The following FRMD4A variants were observed in gnomAD, a reference collection of about 807,000 sequenced individuals.
FRMD4A encodes FERM domain-containing protein 4A.
Under a neutral mutation model 129.1 loss-of-function variants are expected in FRMD4A, and 29 were observed. The observed-to-expected ratio is 0.22, with a 90% CI of 0.17 to 0.31. The LOEUF is 0.31. FRMD4A is among the 10% of genes least tolerant of loss of function. FRMD4A has a pLI of 1.00. For synonymous variants in FRMD4A, 634 were observed against 571.6 expected, an observed-to-expected ratio of 1.11 and a Z score of -1.56; for missense variants, 1,272 against 1,375.8, an observed-to-expected ratio of 0.92 and a Z score of 1.19.
chr10:14,064,046 C>G (rs1050889140), intron 2 of FRMD4A, among the ~76,000 whole-genome samples: 1 of 152,094 alleles, frequency 6.6e-6, no homozygotes, highest in Admixed American at 6.6e-5. Context: ...TAAGTCAATA[C>G]CAAGGGTAAA....
At chr10:14,158,896 T>C (rs1239090731) in intron 2 of FRMD4A, among the ~76,000 whole-genome samples, 1 of 150,102 alleles carries the variant, frequency 6.7e-6, no homozygotes, top group Non-Finnish European at 1.5e-5. Context: ...TCCAGAAAAA[T>C]ACCCACCATG....
chr10:13,815,095 C>T (rs1322163375), intron 3 of FRMD4A, among the ~76,000 whole-genome samples: 1 of 152,172 alleles, frequency 6.6e-6, no homozygotes, highest in Non-Finnish European at 1.5e-5. Context: ...AACTCATTAT[C>T]ATCCAGAATA....
At chr10:13,747,712 T>G (rs771107232) in intron 9 of FRMD4A, 24 bp downstream of exon 9, 1 of 1,313,704 alleles carries the variant, frequency 7.6e-7, no homozygotes. Context: ...GACTCGCTCC[T>G]GGGGAAGACT....
At chr10:13,763,118 G>GCC (rs765128147) in intron 6 of FRMD4A, among the ~76,000 whole-genome samples, 6 of 152,100 alleles carry the variant, frequency 3.9e-5, no homozygotes, top group Non-Finnish European at 5.9e-5. Context: ...CGTTTTTACT[G>GCC]CTCTTAGCTG....
chr10:13,649,264 A>ATTGAGTTCAAAG (rs1459213956), intron 24 of FRMD4A: 1 of 151,382 alleles, frequency 6.6e-6, no homozygotes, highest in Non-Finnish European at 1.5e-5. Context: ...AAGAAAGACC[A>ATTGAGTTCAAAG]TTGAGTTCAA....
chr10:13,670,239 G>A (rs1001647931), intron 17 of FRMD4A, among the ~76,000 whole-genome samples, 167 bp downstream of exon 17: 3 of 152,120 alleles, frequency 2.0e-5, no homozygotes, highest in South Asian at 2.1e-4. Flanking sequence ...TACTCCTACC[G>A]AGGGGAACCA....
chr10:14,204,237 CTTG>C (rs199709871), intron 2 of FRMD4A, among the ~76,000 whole-genome samples: 17,361 of 151,810 alleles, frequency 0.11, 1,460 homozygotes, highest in African/African-American at 0.24. Flanking sequence ...CAGCCTGGGT[CTTG>C]AACATGGCAA....
At chr10:14,033,726 A>C (rs1157231058) in intron 2 of FRMD4A, among the ~76,000 whole-genome samples, 1 of 151,948 alleles carries the variant, frequency 6.6e-6, no homozygotes, top group Non-Finnish European at 1.5e-5. Context: ...TGGAGGTTGC[A>C]GTGAGCCGAG....
chr10:13,916,319 C>T (rs1283474520), intron 2 of FRMD4A, among the ~76,000 whole-genome samples: 1 of 152,196 alleles, frequency 6.6e-6, no homozygotes, highest in African/African-American at 2.4e-5. Flanking sequence ...GGCTGGTCCT[C>T]ACACTCCGAG....
At chr10:14,016,219 G>A (rs551953998) in intron 2 of FRMD4A, among the ~76,000 whole-genome samples, 9 of 152,308 alleles carry the variant, frequency 5.9e-5, no homozygotes, top group African/African-American at 2.2e-4. Flanking sequence ...GGAACTTCAC[G>A]TGCTAATTGG....
At chr10:14,202,137 C>T (rs1227056518) in intron 2 of FRMD4A, among the ~76,000 whole-genome samples, 3 of 33,946 alleles carry the variant, frequency 8.8e-5, no homozygotes, top group African/African-American at 1.8e-4. Flanking sequence ...GAATCCGTCT[C>T]AAGAAAAAAA....
At chr10:13,998,745 A>G (rs1249830904) in intron 2 of FRMD4A, among the ~76,000 whole-genome samples, 2 of 152,084 alleles carry the variant, frequency 1.3e-5, no homozygotes, top group Non-Finnish European at 2.9e-5. Flanking sequence ...GAGTCCATTC[A>G]CTTCTCACCA....
chr10:14,292,666 G>C (rs1845885173), intron 2 of FRMD4A, among the ~76,000 whole-genome samples: 2 of 152,104 alleles, frequency 1.3e-5, no homozygotes, highest in Non-Finnish European at 2.9e-5. Context: ...TGGGCGTGGT[G>C]GTGGGCACCT....
chr10:14,319,997 A>G (rs757087712), intron 2 of FRMD4A, among the ~76,000 whole-genome samples: 13 of 151,942 alleles, frequency 8.6e-5, no homozygotes, highest in Non-Finnish European at 1.5e-4. Context: ...CCTGTCATCC[A>G]TCTCCCATCC....
intron 2 of FRMD4A, among the ~76,000 whole-genome samples, chr10:14,026,185 C>T (rs182249349): frequency 4.1e-4 from 63 of 152,154 alleles, no homozygotes; most frequent in African/African-American, 1.5e-3. Flanking sequence ...TTCTGCTTTA[C>T]AGTAAAACTC....
chr10:13,914,702 T>C (rs1290447360), intron 2 of FRMD4A, among the ~76,000 whole-genome samples: 2 of 152,016 alleles, frequency 1.3e-5, no homozygotes, highest in Non-Finnish European at 2.9e-5. Context: ...AAAAGCAGCA[T>C]TAAAAAAACA....
At chr10:14,330,010 G>A in intron 2 of FRMD4A, 48 bp downstream of exon 2, 1 of 1,536,242 alleles carries the variant, frequency 6.5e-7, no homozygotes, top group Admixed American at 2.0e-5. Context: ...GTGCAGGGGA[G>A]GCTGGAGTGG....
intron 2 of FRMD4A, among the ~76,000 whole-genome samples, chr10:14,032,045 C>T (rs1833272316): frequency 6.6e-6 from 1 of 152,116 alleles, no homozygotes; most frequent in South Asian, 2.1e-4. Context: ...CAGACTCAAG[C>T]AATCCTCAGG....
At chr10:14,001,423 C>T (rs12219909) in intron 2 of FRMD4A, among the ~76,000 whole-genome samples, 2,952 of 152,258 alleles carry the variant, frequency 0.019, 90 homozygotes, top group East Asian at 0.13. Context: ...GATGCTGAAA[C>T]GCCTGGGAGT....
Sources: allele counts gnomAD v4.1 joint callset (sites outside exome capture counted in the v4.1 genomes callset), GRCh38; gene constraint gnomAD v4.1.1; transcripts MANE v1.5; gene names NCBI Gene and HGNC (gene_info 2026-07-23, HGNC 2026-07-21).